Variants in GLG1 observed in about 807,000 individuals in gnomAD.
GLG1 encodes golgi glycoprotein 1.
A neutral mutation model predicts 160.5 loss-of-function variants in GLG1; 38 were observed. The ratio of observed to expected loss-of-function variants is 0.24; its 90% CI spans 0.18 to 0.31. GLG1 has a LOEUF of 0.31. GLG1 is among the 10% of genes least tolerant of loss of function. The probability of loss-of-function intolerance (pLI) is 1.00; values close to 1 mark genes in which losing one functional copy is unlikely to be tolerated. For missense variants in GLG1, 1,373 were observed against 1,505.2 expected (o/e 0.91, Z 1.45); for synonymous variants, 644 against 543.4 (o/e 1.19, Z -2.57).
intron 2 of GLG1, among the ~76,000 whole-genome samples, chr16:74,524,637 G>A (rs1425162241): frequency 6.6e-6 from 1 of 151,968 alleles, no homozygotes; most frequent in Non-Finnish European, 1.5e-5. Flanking sequence ...AATACAAAGG[G>A]AGGGGAAGTA....
At chr16:74,505,812 G>C (rs2016577497) in intron 3 of GLG1, among the ~76,000 whole-genome samples, 1 of 151,892 alleles carries the variant, frequency 6.6e-6, no homozygotes, top group East Asian at 1.9e-4. Flanking sequence ...CTGAGATTGA[G>C]CCATTGCATT....
chr16:74,448,794 C>A lies in GLG1; in HGVS notation c.*4373G>T, dbSNP rs1304180117. The A allele has an allele frequency of 6.8e-6, 1 of 147,658 alleles. No homozygotes were observed. 9.1% of individuals were successfully genotyped at this position (147,658 alleles called of 1,614,324 possible). On this transcript the variant is annotated 3_prime_UTR_variant, in exon 26 of 26. Transcript: ENST00000422840. The stretch of plus-strand genomic sequence containing the variant: ...AGGCCAGGCCGGGCGTGGTGGCTCA[C>A]GCCTGTAATGCACTTTGGAAGGCCG...
chr16:74,570,722 C>T lies in GLG1; in HGVS notation c.438+35935G>A, dbSNP rs950721847. 2.0e-5 allele frequency among the ~76,000 whole-genome samples: 3 copies of T among 152,154 alleles called. No individual in the cohort carries two copies. In the East Asian group the frequency reaches 5.8e-4, roughly 29 times the overall value. ...ACCAGCTTGGTCAACATAGTGGGAC[C>T]CTGTCTCTATAAAAAATCAGCCAGG... On this transcript the variant is annotated intron_variant, in intron 1 of 25. Transcript: ENST00000422840.
chr16:74,596,530 A>G (rs1958307442), intron 1 of GLG1, among the ~76,000 whole-genome samples: 1 of 152,206 alleles, frequency 6.6e-6, no homozygotes, highest in African/African-American at 2.4e-5. Context: ...CACCTCAAAA[A>G]AAAAATTATT....
At position 74,473,605 on chromosome 16, in the gene GLG1, A is replaced by C. The variant is rs1401087711; in HGVS notation, c.2052+941T>G. On this transcript the variant is annotated intron_variant, in intron 13 of 25. Transcript: ENST00000422840. ...CAGGCACCCGCCACCACACCTGACT[A>C]ATTTTTTTGTATTTTTAGTACAGAC... Among the ~76,000 whole-genome samples the C allele has an allele frequency of 6.6e-5, 10 of 150,522 alleles. No individual in the cohort carries two copies. The East Asian group carries it at 1.8e-3, about 27-fold the overall frequency.
At chr16:74,508,506 T>G (rs1394719598) in intron 3 of GLG1, among the ~76,000 whole-genome samples, 2 of 152,190 alleles carry the variant, frequency 1.3e-5, no homozygotes, top group Non-Finnish European at 2.9e-5. Context: ...ACAGGAATGC[T>G]GACAGACCTC....
intron 4 of GLG1, among the ~76,000 whole-genome samples, chr16:74,501,663 G>C (rs1160717780): frequency 6.6e-6 from 1 of 152,160 alleles, no homozygotes; most frequent in Non-Finnish European, 1.5e-5. Flanking sequence ...CTCATCACGA[G>C]GGTGAAAAAG....
intron 9 of GLG1, 66 bp from the exon 10 acceptor site, chr16:74,483,190 T>C: frequency 1.1e-6 from 1 of 924,350 alleles, no homozygotes; most frequent in Non-Finnish European, 1.8e-6. Flanking sequence ...CAATATAGTA[T>C]TTCCCTGGTC....
intron 14 of GLG1, among the ~76,000 whole-genome samples, chr16:74,472,105 C>T (rs962534527): frequency 6.6e-6 from 1 of 152,110 alleles, no homozygotes; most frequent in Non-Finnish European, 1.5e-5. Flanking sequence ...AGAGTTTTGC[C>T]ATGTTGCCCA....
At chr16:74,522,633 A>T (rs2017204446) in intron 2 of GLG1, among the ~76,000 whole-genome samples, 1 of 151,872 alleles carries the variant, frequency 6.6e-6, no homozygotes, top group Non-Finnish European at 1.5e-5. Flanking sequence ...TGTATTATCA[A>T]TTTTTTTACT....
At chr16:74,573,581 CTTTTTTTTTTT>C (rs34868210) in intron 1 of GLG1, among the ~76,000 whole-genome samples, 2 of 102,662 alleles carry the variant, frequency 1.9e-5, no homozygotes, top group African/African-American at 8.0e-5. Flanking sequence ...TTTATCTTGC[CTTTTTTTTTTT>C]TTTTTTTTTT....
chr16:74,518,572 C>T lies in GLG1; in HGVS notation c.472-9647G>A, dbSNP rs145841152. On this transcript the variant is annotated intron_variant, in intron 2 of 25. Coordinates refer to ENST00000422840, the MANE Select transcript of GLG1 (RefSeq NM_001145667.2). ...ACTCAAGATGGATCAAAGGCTTAAA[C>T]GTAAGACCTAGGATGATAAAAATCC... Among the ~76,000 whole-genome samples, 34 of 152,210 alleles carry T rather than the reference C, an allele frequency of 2.2e-4. No individual in the cohort carries two copies. In the East Asian group the frequency reaches 2.9e-3, roughly 13 times the overall value.
At chr16:74,483,363 T>C (rs1489639021) in intron 9 of GLG1, among the ~76,000 whole-genome samples, 1 of 152,220 alleles carries the variant, frequency 6.6e-6, no homozygotes, top group Admixed American at 6.5e-5. Flanking sequence ...AGCTGCTGTA[T>C]TTTTAACTGG....
intron 1 of GLG1, 56 bp downstream of exon 1, chr16:74,606,600 CA>C: frequency 6.9e-7 from 1 of 1,442,574 alleles, no homozygotes; most frequent in South Asian, 1.4e-5. Context: ...CCAAGGCCGG[CA>C]ACACCCTCGG....
intron 5 of GLG1, among the ~76,000 whole-genome samples, chr16:74,495,660 C>T (rs1427604274): frequency 6.6e-6 from 1 of 152,144 alleles, no homozygotes; most frequent in Non-Finnish European, 1.5e-5. Flanking sequence ...TTTTCTTCAC[C>T]TTAGCCAAAA....
intron 25 of GLG1, among the ~76,000 whole-genome samples, chr16:74,456,130 T>C (rs1181849772): frequency 1.3e-5 from 2 of 152,202 alleles, no homozygotes; most frequent in East Asian, 3.8e-4. Flanking sequence ...GCAAGCTTCA[T>C]CATAGGCGAG....
intron 13 of GLG1, chr16:74,472,794 A>C (rs2015252020): frequency 2.8e-6 from 1 of 362,986 alleles, no homozygotes; most frequent in Non-Finnish European, 5.4e-6. Flanking sequence ...TAAGCTCATA[A>C]GCCAGAGCAC....
intron 1 of GLG1, among the ~76,000 whole-genome samples, chr16:74,540,985 G>T (rs2017848548): frequency 6.6e-6 from 1 of 152,100 alleles, no homozygotes. Context: ...TCATATTTCT[G>T]AACTGTGAGG....
intron 8 of GLG1, among the ~76,000 whole-genome samples, chr16:74,486,385 T>C (rs569145896): frequency 6.6e-6 from 1 of 152,356 alleles, no homozygotes; most frequent in Non-Finnish European, 1.5e-5. Flanking sequence ...TGCTGTGCTT[T>C]ATTAAAAGCA....
Sources: allele counts gnomAD v4.1 joint callset (sites outside exome capture counted in the v4.1 genomes callset), GRCh38; gene constraint gnomAD v4.1.1; transcripts MANE v1.5; gene names NCBI Gene and HGNC (gene_info 2026-07-23, HGNC 2026-07-21).